Variants in ZNF28 observed in about 807,000 individuals in gnomAD.
ZNF28 encodes zinc finger protein 28, also known as zinc finger protein KOX24.
In ZNF28, 5 loss-of-function variants were observed where a neutral mutation model predicts 7.2. The observed-to-expected ratio is 0.70, with a 90% CI of 0.36 to 1.46. The LOEUF (loss-of-function observed/expected upper bound fraction) is 1.46. Ranked by LOEUF, ZNF28 falls within the 40% of genes most tolerant of loss-of-function variation. The pLI, the probability that ZNF28 is intolerant of heterozygous loss-of-function variation, is 0.03. For missense variants in ZNF28, 879 were observed against 866.6 expected (o/e 1.01, Z -0.18); for synonymous variants, 288 against 292.4 (o/e 0.99, Z 0.15).
At chr19:52,801,767 TAAATATGACACAAA>T (rs1373070704) in intron 3 of ZNF28, 65 bp from the exon 4 acceptor site, 1 of 1,404,898 alleles carries the variant, frequency 7.1e-7, no homozygotes, top group African/African-American at 1.4e-5. Context: ...CTGAAATGTG[TAAATATGACACAAA>T]AAACAATACT....
chr19:52,819,461 C>T lies in ZNF28; in HGVS notation c.-73-1430G>A, dbSNP rs149152297. Among the ~76,000 whole-genome samples, 187 of 119,460 alleles carry T rather than the reference C, an allele frequency of 1.6e-3. 11 individuals are homozygous for T. The highest frequency in any genetic ancestry group is 8.6e-3 in the Middle Eastern group (2 of 232). The allele number at this position is 119,460 out of a possible 152,430, so 78.4% of individuals were successfully genotyped here. Reference sequence around the variant, plus strand: ...AAATTCTAATTACAACTGGGCACTCCCCTCTACCAGAAAAAAAGCCACACC... The same window carrying T: ...AAATTCTAATTACAACTGGGCACTCTCCTCTACCAGAAAAAAAGCCACACC... On this transcript the variant is annotated intron_variant, in intron 1 of 3. Coordinates refer to ENST00000457749, the MANE Select transcript of ZNF28 (RefSeq NM_006969.5).
Position 52,801,245 on chromosome 19 carries a change from T to C in ZNF28, c.600A>G (p.Ser200=), listed in dbSNP as rs777910637. 5 of 1,614,180 alleles carry C rather than the reference T, an allele frequency of 3.1e-6. No homozygotes were observed. The highest frequency in any genetic ancestry group is 3.4e-6 in the Non-Finnish European group (4 of 1,180,034). ...GTACATTCCGTTTTTGTGTGAGTAA[T>C]GAAGAATGGAGGGAATTATTTCCAT... ...NKYGNNSLHS[S]LLTQKRNVHM... Residue 200 remains serine, a synonymous_variant, in exon 4 of 4, where the codon TCA becomes TCG. Coordinates refer to ENST00000457749, the MANE Select transcript of ZNF28 (RefSeq NM_006969.5).
At chr19:52,805,350 T>C (rs1389272744) in intron 3 of ZNF28, 2 of 151,152 alleles carry the variant, frequency 1.3e-5, no homozygotes, top group Non-Finnish European at 2.9e-5. Flanking sequence ...CCAGGCCTGG[T>C]GTGGTGGTTC....
At chr19:52,815,811 C>T (rs1432519415) in intron 2 of ZNF28, among the ~76,000 whole-genome samples, 5 of 145,536 alleles carry the variant, frequency 3.4e-5, no homozygotes, top group Non-Finnish European at 5.9e-5. Flanking sequence ...GGCGACAGAG[C>T]GAGGCTCCAT....
In ZNF28 at chr19:52,800,111, C is replaced by T. The variant is rs141513354; in HGVS notation, c.1734G>A (p.Pro578=). 1.1e-3 allele frequency: 1,715 copies of T among 1,608,996 alleles called. 9 individuals are homozygous for T. In the African/African-American group the frequency reaches 0.018, roughly 17 times the overall value. Residue 578 remains proline, a synonymous_variant, in exon 4 of 4, where the codon CCG becomes CCA. Transcript: ENST00000457749. ...CCTTGTCACAAACCTTACATTTGTA[C>T]GGTTTCTCTCCAGTATGAATCCTCC... The part of the protein sequence containing the change: ...RHRRIHTGEK[P]YKCKVCDKAF...
At chr19:52,809,912 C>CG in intron 2 of ZNF28, 2 of 836,512 alleles carry the variant, frequency 2.4e-6, no homozygotes, top group African/African-American at 1.7e-5. Context: ...ATCTTGTGCC[C>CG]GGGGCCGGTG....
chr19:52,820,307 C>T (rs1377695087), intron 1 of ZNF28, among the ~76,000 whole-genome samples: 1 of 134,362 alleles, frequency 7.4e-6, no homozygotes, highest in Non-Finnish European at 1.5e-5. Context: ...TTAGTAGAGA[C>T]GGGGTTTCAC....
rs535573933 is a variant in ZNF28 at position 52,815,737 on chromosome 19, A to C, written c.15+2207T>G. Among the ~76,000 whole-genome samples the C allele has an allele frequency of 2.7e-5, 4 of 145,536 alleles. 1 individual carries two copies. In the South Asian group the frequency reaches 9.2e-4, roughly 34 times the overall value. On this transcript the variant is annotated intron_variant, in intron 2 of 3. Coordinates refer to ENST00000457749, the MANE Select transcript of ZNF28 (RefSeq NM_006969.5). Reference sequence around the variant, plus strand: ...CTACTCGGGAGGCTGAGGCAGGAGAATGGTGTGAACCCAGGAGGCGGAGCT... The same window carrying C: ...CTACTCGGGAGGCTGAGGCAGGAGACTGGTGTGAACCCAGGAGGCGGAGCT...
At chr19:52,809,023 T>C (rs979718712) in intron 2 of ZNF28, among the ~76,000 whole-genome samples, 5 of 152,190 alleles carry the variant, frequency 3.3e-5, no homozygotes, top group African/African-American at 1.2e-4. Context: ...TATATGTGTG[T>C]GCATGTGTGT....
chr19:52,809,890 C>T (rs1399755547), intron 2 of ZNF28: 9 of 787,980 alleles, frequency 1.1e-5, no homozygotes, highest in Admixed American at 4.2e-5. Context: ...GGATCCAGGC[C>T]GGGGCGGCGC....
chr19:52,810,276 TC>T, intron 2 of ZNF28: 1 of 1,433,654 alleles, frequency 7.0e-7, no homozygotes, highest in Non-Finnish European at 9.8e-7. Flanking sequence ...AGTGATCACG[TC>T]CATTGAGGAG....
chr19:52,813,249 G>GAGA (rs1555806827), intron 2 of ZNF28, among the ~76,000 whole-genome samples: 2 of 62,984 alleles, frequency 3.2e-5, no homozygotes, highest in Non-Finnish European at 5.5e-5. Flanking sequence ...CTTGAATGGT[G>GAGA]AAAAAAAAAA....
intron 2 of ZNF28, chr19:52,810,780 CAA>C: frequency 2.6e-6 from 1 of 387,014 alleles, no homozygotes. Flanking sequence ...AAAAAAAACC[CAA>C]AAAAAACAGA....
chr19:52,816,635 C>G (rs28703777), intron 2 of ZNF28, among the ~76,000 whole-genome samples: 85,199 of 134,140 alleles, frequency 0.64, 29,631 homozygotes, highest in Non-Finnish European at 0.73. Context: ...AAGCACTCCA[C>G]CCTGGGTGAC....
At chr19:52,817,173 G>C (rs947598102) in intron 2 of ZNF28, among the ~76,000 whole-genome samples, 3 of 152,074 alleles carry the variant, frequency 2.0e-5, no homozygotes, top group Non-Finnish European at 2.9e-5. Flanking sequence ...GGGAGTTTGA[G>C]ACCAGCCTGA....
chr19:52,804,191 G>C (rs6509688), intron 3 of ZNF28, among the ~76,000 whole-genome samples: 133,947 of 152,210 alleles, frequency 0.88, 59,171 homozygotes, highest in East Asian at 0.91. Context: ...GAAGAAGGCT[G>C]TCACCAGGAA....
rs557100198 is a variant in ZNF28, at chr19:52,808,047, C to G, written c.102G>C (p.Arg34Ser). The part of the protein sequence containing the change: ...CLDPAQRTLY[R>S]DVMLENYRNL... ...TCCTATAATTCTCCAGCATCACATC[C>G]CTGTAAAGAGTCCTCTGAGCAGGGT... The change falls in exon 3 of 4, where the codon AGG becomes AGC. Residue 34 changes from arginine to serine, a missense_variant. Around this residue, in one of 2 missense-constraint regions of ZNF28, gnomAD observed 864 missense variants for 830.2 expected, o/e 1.04. Transcript: ENST00000457749. 4 of 1,613,560 alleles carry G rather than the reference C, an allele frequency of 2.5e-6. No individual in the cohort carries two copies. The African/African-American group carries it at 4.0e-5, about 16-fold the overall frequency.
intron 3 of ZNF28, chr19:52,805,707 G>A (rs1224543310): frequency 6.8e-6 from 1 of 147,176 alleles, no homozygotes; most frequent in Non-Finnish European, 1.5e-5. Flanking sequence ...GATAGGCCAA[G>A]CATCGTGGTT....
Position 52,800,495 on chromosome 19 carries a change from T to A in ZNF28, c.1350A>T (p.Gln450His), listed in dbSNP as rs576548726. The change falls in exon 4 of 4, where the codon CAA (glutamine) becomes CAT (histidine). Residue 450 changes from glutamine (Q) to histidine (H), a missense_variant. Transcript: ENST00000457749. The stretch of plus-strand genomic sequence containing the variant: ...TATGATGGCGTGCAAGAGTTGATTG[T>A]TGATTAAAAACCTTGCCACATTCAT... ...KCNECGKVFN[Q>H]QSTLARHHRL... 6.2e-7 allele frequency: 1 copy of A among 1,613,646 alleles called. No individual in the cohort carries two copies. The highest frequency in any genetic ancestry group is 8.5e-7 in the Non-Finnish European group (1 of 1,179,852).
Sources: allele counts gnomAD v4.1 joint callset (sites outside exome capture counted in the v4.1 genomes callset), GRCh38; gene constraint gnomAD v4.1.1; regional missense constraint gnomAD v4.1.1; transcripts MANE v1.5; gene names NCBI Gene and HGNC (gene_info 2026-07-23, HGNC 2026-07-21).